Variants in FLCN observed in about 807,000 individuals in gnomAD.
FLCN encodes BHD skin lesion fibrofolliculoma protein.
A neutral mutation model predicts 62.5 loss-of-function variants in FLCN; 22 were observed. That is an observed-to-expected ratio of 0.35 (90% CI 0.25 to 0.50). FLCN has a LOEUF of 0.50. Among genes scored for constraint, FLCN ranks in the 20% least tolerant of loss-of-function variants. FLCN has a pLI of 0.97. For synonymous variants in FLCN, 319 were observed against 310.0 expected (o/e 1.03, Z -0.30); for missense variants, 657 against 778.0 (o/e 0.84, Z 1.85).
chr17:17,214,945 G>T (rs776135068), intron 13 of FLCN, 40 bp downstream of exon 13: 2 of 1,597,580 alleles, frequency 1.3e-6, no homozygotes, highest in Admixed American at 1.7e-5. Flanking sequence ...GTTTTCTCCA[G>T]GGTCGCAAGC....
intron 1 of FLCN, among the ~76,000 whole-genome samples, chr17:17,234,224 T>G (rs1278496422): frequency 4.6e-5 from 7 of 150,766 alleles, no homozygotes; most frequent in Admixed American, 1.3e-4. Flanking sequence ...GTTTGTTTTT[T>G]TTTTTGCGGA....
At chr17:17,234,218 GT>G (rs774799487) in intron 1 of FLCN, among the ~76,000 whole-genome samples, 6 of 124,340 alleles carry the variant, frequency 4.8e-5, no homozygotes, top group Admixed American at 8.1e-5. Flanking sequence ...TTTTTGGTTT[GT>G]TTTTTTTTTT....
At position 17,237,026 on chromosome 17, in the gene FLCN, C is replaced by G. The variant is rs2047601141; in HGVS notation, c.-342G>C. The G allele has an allele frequency of 6.6e-6, 1 of 152,180 alleles. No homozygotes were observed. Among genetic ancestry groups the G allele is most frequent in the Non-Finnish European group, 1.5e-5 (1 of 68,052 alleles). The allele number at this position is 152,180 out of a possible 1,614,324, so 9.4% of individuals were successfully genotyped here. Reference sequence around the variant, plus strand: ...TAGGTGGTCGCTGCGGGACCCGGACCGGCGGAATCACACCCAGAGCCCCCA... The same window carrying G: ...TAGGTGGTCGCTGCGGGACCCGGACGGGCGGAATCACACCCAGAGCCCCCA... On this transcript the variant is annotated 5_prime_UTR_variant, in exon 1 of 14. Transcript: ENST00000285071.
At chr17:17,226,987 C>A (rs2047271036) in intron 4 of FLCN, among the ~76,000 whole-genome samples, 1 of 152,236 alleles carries the variant, frequency 6.6e-6, no homozygotes, top group African/African-American at 2.4e-5. Flanking sequence ...CCATGGGCAA[C>A]CCCAAAACCA....
rs1271985679 is a variant in FLCN, at chr17:17,212,288, A to T, written c.*1367T>A. 4 of 173,488 alleles carry T rather than the reference A, an allele frequency of 2.3e-5. No individual in the cohort carries two copies. The highest frequency in any genetic ancestry group is 5.0e-5 in the Non-Finnish European group (4 of 80,166). The allele number at this position is 173,488 out of a possible 1,614,324, so 10.7% of individuals were successfully genotyped here. A position where few individuals can be genotyped will look rare whatever the true frequency, so the allele number is the denominator to read the frequency against. The stretch of plus-strand genomic sequence containing the variant: ...ACCTAGTTATATAAACTTGGTCTTC[A>T]TGTTAAATATAAACACAAAAAAACT... On this transcript the variant is annotated 3_prime_UTR_variant, in exon 14 of 14. Coordinates refer to ENST00000285071, the MANE Select transcript of FLCN (RefSeq NM_144997.7).
At chr17:17,215,912 C>T (rs560483706) in intron 11 of FLCN, among the ~76,000 whole-genome samples, 36 of 152,218 alleles carry the variant, frequency 2.4e-4, no homozygotes, top group Admixed American at 1.6e-3. Flanking sequence ...TTTGCTGAGC[C>T]CTGACCACAC....
rs1164604057 is a variant in FLCN, at chr17:17,233,668, G to GGA, written c.-227-769_-227-768dup. ...CCAAGTTACTTGGGGGACTAAGTTG[G>GGA]GAGGTCACTTCAGCCTGGGAGGTCA... On this transcript the variant is annotated intron_variant, in intron 1 of 13. Transcript: ENST00000285071. Among the ~76,000 whole-genome samples, 3 of 150,136 alleles carry GGA rather than the reference G, an allele frequency of 2.0e-5. No homozygotes were observed. The East Asian group carries it at 5.8e-4, about 29-fold the overall frequency.
intron 4 of FLCN, among the ~76,000 whole-genome samples, chr17:17,227,151 C>T (rs1280962514): frequency 2.6e-5 from 4 of 152,154 alleles, no homozygotes; most frequent in Non-Finnish European, 4.4e-5. Context: ...CTTGGGTTCC[C>T]GTTTGCACTG....
In FLCN at chr17:17,215,365, C is replaced by G. The variant is rs746043852; in HGVS notation, c.1301-49G>C. ...CTCCTCATCTCCCCCATGCTCCTCA[C>G]CTCCCCTGCGCTAGCCCACCGTGGG... On this transcript the variant is annotated intron_variant, in intron 11 of 13. Transcript: ENST00000285071. The G allele has an allele frequency of 1.9e-6, 3 of 1,612,156 alleles. No homozygotes were observed. In the Admixed American group the frequency reaches 5.0e-5, roughly 27 times the overall value.
At chr17:17,229,349 G>A (rs2047352668) in intron 3 of FLCN, 1 of 152,332 alleles carries the variant, frequency 6.6e-6, no homozygotes, top group Admixed American at 6.5e-5. Flanking sequence ...GGTGGGACTG[G>A]AATGTCACAT....
intron 9 of FLCN, chr17:17,217,586 G>A: frequency 3.0e-6 from 1 of 332,516 alleles, no homozygotes; most frequent in Non-Finnish European, 5.9e-6. Flanking sequence ...GACCATGACT[G>A]CAGCCAGGAG....
At chr17:17,230,488 C>A (rs2047387607) in intron 3 of FLCN, among the ~76,000 whole-genome samples, 1 of 151,372 alleles carries the variant, frequency 6.6e-6, no homozygotes, top group Admixed American at 6.6e-5. Context: ...CGAGATCGCA[C>A]CACGGCACTC....
chr17:17,219,553 C>CT (rs988534220), intron 8 of FLCN: 8 of 174,292 alleles, frequency 4.6e-5, no homozygotes, highest in African/African-American at 1.0e-4. Flanking sequence ...CACGTTGTTT[C>CT]TTTTTTTTCC....
intron 6 of FLCN, chr17:17,222,885 TCTC>T: frequency 1.7e-6 from 1 of 595,098 alleles, no homozygotes; most frequent in South Asian, 1.8e-5. Context: ...CGGTTGAGCT[TCTC>T]CTGTCCCCTT....
rs781433539 is a variant in FLCN at position 17,223,975 on chromosome 17, G to C, written c.565C>G (p.Leu189Val). ...RIYLINSWPFLLGKVRGIIDE... is the reference protein window; with the variant it reads ...RIYLINSWPFVLGKVRGIIDE... ...ATGATTCCCCGGACCTTCCCCAGCAGGAAGGGCCAGGAGTTGATGAGGTAG... is the reference window on the plus strand; with the variant it reads ...ATGATTCCCCGGACCTTCCCCAGCACGAAGGGCCAGGAGTTGATGAGGTAG... Residue 189 changes from leucine (L) to valine (V), a missense_variant, in exon 6 of 14, where the codon CTG (leucine) becomes GTG (valine). Coordinates refer to ENST00000285071, the MANE Select transcript of FLCN (RefSeq NM_144997.7). 1 of 1,613,606 alleles carries C rather than the reference G, an allele frequency of 6.2e-7. No homozygotes were observed. Among genetic ancestry groups the C allele is most frequent in the Non-Finnish European group, 8.5e-7 (1 of 1,180,036 alleles).
intron 5 of FLCN, 48 bp downstream of exon 5, chr17:17,226,128 G>A (rs780196321): frequency 1.2e-6 from 2 of 1,613,298 alleles, no homozygotes; most frequent in African/African-American, 1.3e-5. Flanking sequence ...GAGCACCTGG[G>A]AGCATGTGGG....
intron 9 of FLCN, among the ~76,000 whole-genome samples, chr17:17,218,622 C>T (rs1031445999): frequency 2.0e-5 from 3 of 152,012 alleles, no homozygotes; most frequent in Non-Finnish European, 4.4e-5. Context: ...CCTCGTGATC[C>T]GCTCCCCCTT....
intron 13 of FLCN, 90 bp from the exon 14 acceptor site, chr17:17,213,946 G>T (rs2046827507): frequency 6.5e-6 from 9 of 1,382,084 alleles, no homozygotes; most frequent in Middle Eastern, 1.9e-4. Flanking sequence ...CACGGCTTTG[G>T]CACCAGCAGG....
At chr17:17,221,135 G>A in intron 8 of FLCN, 3 of 1,398,886 alleles carry the variant, frequency 2.1e-6, no homozygotes, top group Admixed American at 2.6e-5. Context: ...GGGAGGTCAG[G>A]GAACCACTGC....
Sources: allele counts gnomAD v4.1 joint callset (sites outside exome capture counted in the v4.1 genomes callset), GRCh38; gene constraint gnomAD v4.1.1; transcripts MANE v1.5; gene names NCBI Gene and HGNC (gene_info 2026-07-23, HGNC 2026-07-21).